Variants in PPFIBP2 observed in about 807,000 individuals in gnomAD.
The protein encoded by PPFIBP2 is PPFIB scaffold protein 2, also known as liprin-beta-2.
Under a neutral mutation model 118.3 loss-of-function variants are expected in PPFIBP2, and 118 were observed. That is an observed-to-expected ratio of 1.00 (90% CI 0.86 to 1.16). The LOEUF (loss-of-function observed/expected upper bound fraction) is 1.16, where lower values mean the gene tolerates loss of function less well. Ranked by LOEUF, PPFIBP2 falls within the 50% of genes most tolerant of loss-of-function variation. The pLI, the probability that PPFIBP2 is intolerant of heterozygous loss-of-function variation, is 0.00. For synonymous variants in PPFIBP2, 414 were observed against 397.4 expected, an observed-to-expected ratio of 1.04 and a Z score of -0.50; for missense variants, 1,195 against 1,073.1, an observed-to-expected ratio of 1.11 and a Z score of -1.59.
intron 1 of PPFIBP2, among the ~76,000 whole-genome samples, chr11:7,515,430 A>C (rs1849146411): frequency 6.6e-6 from 1 of 152,220 alleles, no homozygotes; most frequent in Non-Finnish European, 1.5e-5. Context: ...AAGTGGAATG[A>C]GATCAATGAC....
At chr11:7,539,833 C>T (rs1442268140) in intron 1 of PPFIBP2, among the ~76,000 whole-genome samples, 1 of 152,178 alleles carries the variant, frequency 6.6e-6, no homozygotes, top group Non-Finnish European at 1.5e-5. Context: ...GCCCCAAAAG[C>T]AGAAGCAAGC....
intron 1 of PPFIBP2, among the ~76,000 whole-genome samples, chr11:7,542,451 A>G (rs1851896996): frequency 6.6e-6 from 1 of 152,220 alleles, no homozygotes; most frequent in South Asian, 2.1e-4. Flanking sequence ...AAAGACTCAA[A>G]TAATTGTATG....
At chr11:7,587,028 T>A (rs773262420) in intron 3 of PPFIBP2, among the ~76,000 whole-genome samples, 4 of 152,240 alleles carry the variant, frequency 2.6e-5, no homozygotes, top group Admixed American at 6.5e-5. Context: ...TGAACTTACT[T>A]TTTCATATCA....
chr11:7,612,098 TTGAAAA>T (rs1453099920), intron 6 of PPFIBP2, among the ~76,000 whole-genome samples: 2 of 152,218 alleles, frequency 1.3e-5, no homozygotes, highest in Non-Finnish European at 2.9e-5. Context: ...GTCACATAAC[TTGAAAA>T]GTCTAGTGTT....
intron 5 of PPFIBP2, among the ~76,000 whole-genome samples, chr11:7,601,164 A>G (rs1284824140): frequency 6.6e-6 from 1 of 152,218 alleles, no homozygotes; most frequent in Non-Finnish European, 1.5e-5. Context: ...TTAGTTCCTT[A>G]CCTAGTTCAT....
intron 3 of PPFIBP2, among the ~76,000 whole-genome samples, chr11:7,579,977 C>G (rs1038667373): frequency 6.6e-6 from 1 of 152,066 alleles, no homozygotes; most frequent in Non-Finnish European, 1.5e-5. Context: ...AAAACAAATT[C>G]CCTTTCGTCC....
At chr11:7,546,046 G>T (rs557836365) in intron 1 of PPFIBP2, among the ~76,000 whole-genome samples, 1 of 152,204 alleles carries the variant, frequency 6.6e-6, no homozygotes, top group African/African-American at 2.4e-5. Flanking sequence ...TGGTGAACGC[G>T]TGGAAGTGCT....
chr11:7,608,527 C>T (rs111879260), intron 5 of PPFIBP2, among the ~76,000 whole-genome samples: 4,497 of 152,298 alleles, frequency 0.03, 221 homozygotes, highest in African/African-American at 0.1. Flanking sequence ...GTAATCCCGG[C>T]TACTCGGGAG....
intron 13 of PPFIBP2, among the ~76,000 whole-genome samples, chr11:7,635,316 G>T (rs565190613): frequency 6.6e-6 from 1 of 152,172 alleles, no homozygotes; most frequent in Non-Finnish European, 1.5e-5. Context: ...TGCTCCCATG[G>T]TCACGTGTCT....
At chr11:7,551,057 A>G (rs1461553344) in intron 2 of PPFIBP2, among the ~76,000 whole-genome samples, 2 of 149,910 alleles carry the variant, frequency 1.3e-5, no homozygotes, top group South Asian at 2.1e-4. Flanking sequence ...ATAGATATCT[A>G]TAGATATCTA....
At chr11:7,665,331 C>G in the PPFIBP2 span, 2 of 1,437,976 alleles carry the variant, frequency 1.4e-6, no homozygotes, top group African/African-American at 2.9e-5. Flanking sequence ...TACTCTGAAA[C>G]AGATGAAAAG....
intron 6 of PPFIBP2, chr11:7,610,627 G>T: frequency 1.7e-6 from 1 of 588,690 alleles, no homozygotes. Flanking sequence ...GCCAGTTTTG[G>T]CTCTAAGGCT....
intron 17 of PPFIBP2, among the ~76,000 whole-genome samples, chr11:7,647,925 G>A (rs1017021977): frequency 6.6e-6 from 1 of 152,116 alleles, no homozygotes; most frequent in African/African-American, 2.4e-5. Context: ...TGATTGGCAA[G>A]TTTTTGCTTT....
At chr11:7,518,735 T>C (rs1564931803) in intron 1 of PPFIBP2, among the ~76,000 whole-genome samples, 7 of 152,138 alleles carry the variant, frequency 4.6e-5, no homozygotes, top group Admixed American at 3.9e-4. Context: ...TTTTGTTAAT[T>C]TGAGAGAGAT....
intron 3 of PPFIBP2, among the ~76,000 whole-genome samples, chr11:7,568,315 CTTTGCCATCCTCAAGGGGTGGTT>C (rs1353288148): frequency 9.2e-5 from 14 of 152,144 alleles, no homozygotes; most frequent in Non-Finnish European, 1.8e-4. Context: ...CATCTTTTTT[CTTTGCCATCCTCAAGGGGTGGTT>C]TTTGCTCAGG....
intron 1 of PPFIBP2, among the ~76,000 whole-genome samples, chr11:7,530,728 A>G (rs1335160161): frequency 6.6e-6 from 1 of 152,220 alleles, no homozygotes; most frequent in East Asian, 1.9e-4. Context: ...AGACTAAGAC[A>G]AAGCTTGGGC....
rs138097289 is a variant in PPFIBP2 at position 7,544,532 on chromosome 11, T to A, written c.-36-4908T>A. On this transcript the variant is annotated intron_variant, in intron 1 of 23. Transcript: ENST00000299492. ...GTTCACGCCTGTATTCCCAGCACTT[T>A]GGGAGGCCAAGGTGGGTGGATCACG... Among the ~76,000 whole-genome samples the A allele has an allele frequency of 1.9e-3, 289 of 152,198 alleles. 2 individuals are homozygous for A. Among genetic ancestry groups the A allele is most frequent in the African/African-American group, 5.3e-3 (220 of 41,520 alleles).
chr11:7,590,192 A>G (rs1277732153), intron 3 of PPFIBP2, among the ~76,000 whole-genome samples: 1 of 152,198 alleles, frequency 6.6e-6, no homozygotes, highest in African/African-American at 2.4e-5. Flanking sequence ...CTCCAGGCAG[A>G]GGTGGCATTT....
At chr11:7,628,424 A>G in intron 9 of PPFIBP2, 78 bp downstream of exon 9, 1 of 1,323,846 alleles carries the variant, frequency 7.6e-7, no homozygotes, top group South Asian at 1.2e-5. Flanking sequence ...GGTCTCTGAT[A>G]TTCTGGACAG....
Sources: gnomAD v4.1 joint callset for allele counts (sites outside exome capture counted in the v4.1 genomes callset) on GRCh38, gnomAD v4.1.1 for gene constraint, MANE v1.5 for transcripts, NCBI Gene and HGNC (gene_info 2026-07-23, HGNC 2026-07-21) for gene names.